The following RGP1 variants were observed in gnomAD, a reference collection of about 807,000 sequenced individuals.
RGP1 encodes the protein RAB6A-GEF complex partner protein 2.
Under a neutral mutation model 44.5 loss-of-function variants are expected in RGP1, and 28 were observed. That is an observed-to-expected ratio of 0.63 (90% CI 0.47 to 0.86). The LOEUF is 0.86. RGP1 is among the 40% of genes least tolerant of loss of function. The pLI, the probability that RGP1 is intolerant of heterozygous loss-of-function variation, is 0.00. For synonymous variants in RGP1, 212 were observed against 196.7 expected, an observed-to-expected ratio of 1.08 and a Z score of -0.65; for missense variants, 417 against 490.7, an observed-to-expected ratio of 0.85 and a Z score of 1.42.
At chr9:35,770,749 G>C in the RGP1 span, among the ~76,000 whole-genome samples, 1 of 152,144 alleles carries the variant, frequency 6.6e-6, no homozygotes, top group Non-Finnish European at 1.5e-5. Context: ...GAGATGCTTA[G>C]GTTACTTATA....
At position 35,750,933 on chromosome 9, in the gene RGP1, G is replaced by A. The variant is rs375678615; in HGVS notation, c.431G>A (p.Arg144His). The A allele has an allele frequency of 5.9e-5, 96 of 1,613,884 alleles. No homozygotes were observed. In the East Asian group the frequency reaches 7.3e-4, roughly 12 times the overall value. The change falls in exon 5 of 9, where the codon CGT (arginine) becomes CAT (histidine). Residue 144 changes from arginine (R) to histidine (H), a missense_variant. Arg to His is a conservative substitution (Grantham distance 29, BLOSUM62 0). Transcript: ENST00000378078. ...TACAAACTGACCATTGGCTGCCAGC[G>A]TGTCAACTCCCCTATCACTTTACTC... ...YVYKLTIGCQRVNSPITLLRV... is the reference protein window; with the variant it reads ...YVYKLTIGCQHVNSPITLLRV...
Position 35,755,424 on chromosome 9 carries a change from G to A in RGP1, c.*2550G>A, listed in dbSNP as rs961881607. 1 of 152,220 alleles carries A rather than the reference G, an allele frequency of 6.6e-6. No homozygotes were observed. Among genetic ancestry groups the A allele is most frequent in the African/African-American group, 2.4e-5 (1 of 41,416 alleles). 9.4% of individuals were successfully genotyped at this position (152,220 alleles called of 1,614,324 possible). ...CTTCTATTGGGGATGGCTGTCTCCT[G>A]GCATAGACCTCTGCACCTTTCACAC... On this transcript the variant is annotated 3_prime_UTR_variant, in exon 9 of 9. Coordinates refer to ENST00000378078, the MANE Select transcript of RGP1 (RefSeq NM_001080496.3).
chr9:35,751,984 G>A lies in RGP1; in HGVS notation c.791G>A (p.Arg264His), dbSNP rs539391165. ...QFSVSLQTEE[R>H]VQPEYQRRRG... ...TCAGTCAGCTTACAGACCGAGGAGC[G>A]TGTACAGCCTGAGTACCAGCGGCGA... The change falls in exon 8 of 9, where the codon CGT (arginine) becomes CAT (histidine). Residue 264 changes from arginine (R) to histidine (H), a missense_variant. By Grantham distance (29) the Arg-to-His change is conservative. Transcript: ENST00000378078. 6.7e-5 allele frequency: 106 copies of A among 1,592,282 alleles called. No individual in the cohort carries two copies. The highest frequency in any genetic ancestry group is 8.0e-5 in the South Asian group (7 of 86,970).
the RGP1 span, among the ~76,000 whole-genome samples, chr9:35,767,981 A>G: frequency 2.0e-5 from 3 of 151,892 alleles, no homozygotes; most frequent in African/African-American, 7.3e-5. Flanking sequence ...TTGTATTTTT[A>G]GTAGAGACAG....
At chr9:35,762,309 C>G (rs1001502559), downstream of RGP1, among the ~76,000 whole-genome samples, 8 of 152,124 alleles carry the variant, frequency 5.3e-5, no homozygotes, top group African/African-American at 1.7e-4. Flanking sequence ...AGATTAAGAA[C>G]TTTTATTTAG....
In RGP1 at chr9:35,755,617, A is replaced by G. The variant is rs894091409; in HGVS notation, c.*2743A>G. 2.0e-5 allele frequency: 3 copies of G among 152,202 alleles called. No homozygotes were observed. The highest frequency in any genetic ancestry group is 7.2e-5 in the African/African-American group (3 of 41,440). 9.4% of individuals were successfully genotyped at this position (152,202 alleles called of 1,614,324 possible). A position where few individuals can be genotyped will look rare whatever the true frequency, so the allele number is the denominator to read the frequency against. ...CATTAGATTCTCATAAGGAGTGTGC[A>G]ATCTAGATCCCTTGCATGCGGAGTT... On this transcript the variant is annotated 3_prime_UTR_variant, in exon 9 of 9. Transcript: ENST00000378078.
downstream of RGP1, among the ~76,000 whole-genome samples, chr9:35,760,988 C>T (rs1436623698): frequency 6.6e-6 from 1 of 152,222 alleles, no homozygotes; most frequent in Non-Finnish European, 1.5e-5. Context: ...ACTTCCTTTT[C>T]CCCATCCCCA....
At position 35,757,950 on chromosome 9, in the gene RGP1, A is replaced by G. The variant is rs1171291241; in HGVS notation, c.*5076A>G. 1 of 152,254 alleles carries G rather than the reference A, an allele frequency of 6.6e-6. No individual in the cohort carries two copies. Among genetic ancestry groups the G allele is most frequent in the African/African-American group, 2.4e-5 (1 of 41,458 alleles). The allele number at this position is 152,254 out of a possible 1,614,324, so 9.4% of individuals were successfully genotyped here. A position where few individuals can be genotyped will look rare whatever the true frequency, so the allele number is the denominator to read the frequency against. Reference sequence around the variant, plus strand: ...TAAAAATAGAAAAGTTGCACAATCTAATTCAATATTTGACTTAAAACCAAA... The same window carrying G: ...TAAAAATAGAAAAGTTGCACAATCTGATTCAATATTTGACTTAAAACCAAA... On this transcript the variant is annotated 3_prime_UTR_variant, in exon 9 of 9. Transcript: ENST00000378078.
intron 3 of RGP1, 115 bp from the exon 4 acceptor site, chr9:35,750,543 C>A: frequency 7.6e-7 from 1 of 1,321,396 alleles, no homozygotes; most frequent in Non-Finnish European, 1.1e-6. Context: ...AGACTATTCC[C>A]ATTTCACAGC....
rs372478149 is a variant in RGP1, at chr9:35,749,868, C to G, written c.113C>G (p.Ser38Cys). The stretch of plus-strand genomic sequence containing the variant: ...CTTCCGCCCACGGCCACTTCTGCAT[C>G]CAGGTGGGGATGCTGGCACTGAAGG... Reference protein sequence around the residue: ...NPLPPTATSASSEALAWASAQ... With the variant: ...NPLPPTATSACSEALAWASAQ... The change falls in exon 2 of 9, where the codon TCC (serine) becomes TGC (cysteine). Residue 38 changes from serine to cysteine, a missense_variant. Physicochemically the swap from Ser to Cys is moderately radical, Grantham distance 112. Transcript: ENST00000378078. This position sits in a 1 kb window ranked among gnomAD's most constrained non-coding sequence, Gnocchi z 4.4. 141 of 1,608,020 alleles carry G rather than the reference C, an allele frequency of 8.8e-5. No homozygotes were observed. The highest frequency in any genetic ancestry group is 1.2e-4 in the Non-Finnish European group (137 of 1,175,442).
chr9:35,767,421 CTA>C, the RGP1 span, among the ~76,000 whole-genome samples: 1 of 150,598 alleles, frequency 6.6e-6, no homozygotes, highest in Admixed American at 6.7e-5. Flanking sequence ...ATGAGTCATA[CTA>C]TGTGTTAATG....
chr9:35,769,487 A>G, the RGP1 span, among the ~76,000 whole-genome samples: 1 of 152,244 alleles, frequency 6.6e-6, no homozygotes, highest in South Asian at 2.1e-4. Context: ...CATGAATACA[A>G]TGAAGTTTGA....
Position 35,753,365 on chromosome 9 carries a change from T to C in RGP1, c.*491T>C, listed in dbSNP as rs965051726. On this transcript the variant is annotated 3_prime_UTR_variant, in exon 9 of 9. Coordinates refer to ENST00000378078, the MANE Select transcript of RGP1 (RefSeq NM_001080496.3). This position sits in a 1 kb window ranked among gnomAD's most constrained non-coding sequence, Gnocchi z 4.2. ...CCACATGTTCCCTCTCTCACAGTTT[T>C]CCCCCCACAGAGCCCCTTTCAGTGG... 1.3e-4 allele frequency: 189 copies of C among 1,469,584 alleles called. No individual in the cohort carries two copies. The highest frequency in any genetic ancestry group is 1.7e-4 in the Non-Finnish European group (185 of 1,085,772). The allele number at this position is 1,469,584 out of a possible 1,614,324, so 91.0% of individuals were successfully genotyped here.
rs1288026042 is a variant in RGP1, at chr9:35,750,389, G to T, written c.253+10G>T. On this transcript the variant is annotated intron_variant, in intron 3 of 8. Transcript: ENST00000378078. Reference sequence around the variant, plus strand: ...TTTCTGCCACACCGAGGTTAGAGAGGGGCATTTGCCTGGGAGAGGGGGGGT... The same window carrying T: ...TTTCTGCCACACCGAGGTTAGAGAGTGGCATTTGCCTGGGAGAGGGGGGGT... 6.2e-7 allele frequency: 1 copy of T among 1,613,632 alleles called. No individual in the cohort carries two copies. The highest frequency in any genetic ancestry group is 8.5e-7 in the Non-Finnish European group (1 of 1,179,792).
rs1219453857 is a variant in RGP1, at chr9:35,753,624, C to T, written c.*750C>T. 2.0e-6 allele frequency: 3 copies of T among 1,524,056 alleles called. No individual in the cohort carries two copies. In the African/African-American group the frequency reaches 4.1e-5, roughly 21 times the overall value. 94.4% of individuals were successfully genotyped at this position (1,524,056 alleles called of 1,614,324 possible). ...CTGGTCATCCCTCAGTCACTCATAT[C>T]AGAGTCATTCTCTCTGGCCATCTTT... On this transcript the variant is annotated 3_prime_UTR_variant, in exon 9 of 9. Transcript: ENST00000378078. The surrounding 1 kb of genome is among the most constrained non-coding windows in gnomAD (Gnocchi z 4.2).
At chr9:35,776,559 T>C in the RGP1 span, among the ~76,000 whole-genome samples, 1 of 152,118 alleles carries the variant, frequency 6.6e-6, no homozygotes, top group East Asian at 1.9e-4. Flanking sequence ...ATTGTTGGGA[T>C]TACAGGCATG....
the RGP1 span, among the ~76,000 whole-genome samples, chr9:35,770,482 G>A: frequency 4.5e-5 from 6 of 133,932 alleles, no homozygotes; most frequent in Admixed American, 3.9e-4. Context: ...ATGGGCATAG[G>A]TATTACCATG....
chr9:35,787,119 T>A, the RGP1 span, among the ~76,000 whole-genome samples: 117 of 150,952 alleles, frequency 7.8e-4, 1 homozygote, highest in Admixed American at 2.6e-3. Context: ...TTTTTTTTTT[T>A]AAATAATAAA....
At chr9:35,787,727 A>C in the RGP1 span, among the ~76,000 whole-genome samples, 2 of 152,170 alleles carry the variant, frequency 1.3e-5, no homozygotes, top group Non-Finnish European at 2.9e-5. Flanking sequence ...TAAAGTCTCT[A>C]TTTGCTTTCT....
Sources: gnomAD v4.1 joint callset for allele counts (sites outside exome capture counted in the v4.1 genomes callset) on GRCh38, gnomAD v4.1.1 for gene constraint, Gnocchi (gnomAD v3.1) non-coding constraint, MANE v1.5 for transcripts, NCBI Gene and HGNC (gene_info 2026-07-23, HGNC 2026-07-21) for gene names.